Variants in GATAD2A observed in about 807,000 individuals in gnomAD.
GATAD2A encodes transcriptional repressor p66-alpha.
A neutral mutation model predicts 68.5 loss-of-function variants in GATAD2A; 12 were observed. The ratio of observed to expected loss-of-function variants is 0.18; its 90% CI spans 0.11 to 0.28. The LOEUF (loss-of-function observed/expected upper bound fraction) is 0.28. GATAD2A is among the 10% of genes least tolerant of loss of function. The probability of loss-of-function intolerance (pLI) is 1.00; values close to 1 mark genes in which losing one functional copy is unlikely to be tolerated. For missense variants in GATAD2A, 755 were observed against 868.5 expected, an observed-to-expected ratio of 0.87 and a Z score of 1.64; for synonymous variants, 410 against 375.3, an observed-to-expected ratio of 1.09 and a Z score of -1.07.
chr19:19,437,401 C>T (rs2054489148), intron 1 of GATAD2A, among the ~76,000 whole-genome samples: 1 of 152,160 alleles, frequency 6.6e-6, no homozygotes, highest in African/African-American at 2.4e-5. Flanking sequence ...AAGTGTTGGG[C>T]ATACAGGCAA....
At chr19:19,408,951 G>T (rs2050607871) in intron 1 of GATAD2A, among the ~76,000 whole-genome samples, 1 of 151,078 alleles carries the variant, frequency 6.6e-6, no homozygotes, top group Admixed American at 6.6e-5. Flanking sequence ...CTTAGCAGAT[G>T]ACTAAAGGAT....
In GATAD2A at chr19:19,386,706, C is replaced by T. The variant is rs80295578; in HGVS notation, c.-7+568C>T. 6.3e-3 allele frequency among the ~76,000 whole-genome samples: 951 copies of T among 152,154 alleles called. 11 individuals carry two copies. The highest frequency in any genetic ancestry group is 0.021 in the African/African-American group (874 of 41,538). ...GGGGAGCCCTGTCTCTCTAGGCGACCCTGCTTCTCTGAGGGGACAACCCCT... is the reference window on the plus strand; with the variant it reads ...GGGGAGCCCTGTCTCTCTAGGCGACTCTGCTTCTCTGAGGGGACAACCCCT... On this transcript the variant is annotated intron_variant, in intron 1 of 11. Transcript: ENST00000360315.
At chr19:19,463,127 C>G (rs1217275109) in intron 1 of GATAD2A, among the ~76,000 whole-genome samples, 1 of 152,178 alleles carries the variant, frequency 6.6e-6, no homozygotes, top group Non-Finnish European at 1.5e-5. Flanking sequence ...CTGGCCTCCC[C>G]TCATCTCTCA....
In GATAD2A at chr19:19,502,030, G is replaced by C; in HGVS notation, c.1565G>C (p.Gly522Ala). The change falls in exon 10 of 12, where the codon GGG becomes GCG. Residue 522 changes from glycine to alanine, a missense_variant. Transcript: ENST00000683918. ...RSGEARDWSNGAVLQASSQLS... is the reference protein window; with the variant it reads ...RSGEARDWSNAAVLQASSQLS... ...GGAGAGGCCCGCGACTGGAGTAACG[G>C]GGCTGTGCTACAGGTCAGAACCGCA... The C allele has an allele frequency of 6.2e-7, 1 of 1,613,544 alleles. No individual in the cohort carries two copies. The highest frequency in any genetic ancestry group is 8.5e-7 in the Non-Finnish European group (1 of 1,179,662).
At chr19:19,436,329 A>G (rs543830558) in intron 1 of GATAD2A, 111 of 528,888 alleles carry the variant, frequency 2.1e-4, no homozygotes, top group African/African-American at 2.1e-3. Flanking sequence ...CACCTCCTAG[A>G]GAAGATGGAG....
rs1308223255 is a variant in GATAD2A, at chr19:19,508,182, G to C, written c.*2708G>C. 6.6e-6 allele frequency: 1 copy of C among 152,238 alleles called. No homozygotes were observed. Among genetic ancestry groups the C allele is most frequent in the African/African-American group, 2.4e-5 (1 of 41,444 alleles). 9.4% of individuals were successfully genotyped at this position (152,238 alleles called of 1,614,324 possible). On this transcript the variant is annotated 3_prime_UTR_variant, in exon 12 of 12. Coordinates refer to ENST00000683918, the MANE Select transcript of GATAD2A (RefSeq NM_001384528.1). ...ACAGCACCTGGAAACGGTTCCCTCT[G>C]TCAGCTGCTCTGTAGACAGGGCTGG...
In GATAD2A at chr19:19,496,035, C is replaced by T. The variant is rs768213461; in HGVS notation, c.757-17C>T. ...ATCTCAGTCAGATTTCTTGTTCTCC[C>T]CACCCTACCCCAACAGCAAATCCAC... On this transcript the variant is annotated splice_polypyrimidine_tract_variant and intron_variant, in intron 6 of 11. Coordinates refer to ENST00000683918, the MANE Select transcript of GATAD2A (RefSeq NM_001384528.1). 1 of 1,611,172 alleles carries T rather than the reference C, an allele frequency of 6.2e-7. No individual in the cohort carries two copies. Among genetic ancestry groups the T allele is most frequent in the Non-Finnish European group, 8.5e-7 (1 of 1,177,698 alleles).
At chr19:19,450,539 C>G (rs533065520) in intron 1 of GATAD2A, among the ~76,000 whole-genome samples, 31 of 151,990 alleles carry the variant, frequency 2.0e-4, no homozygotes, top group African/African-American at 7.5e-4. Context: ...TGTTCTGTGC[C>G]TTTTGACAGC....
intron 1 of GATAD2A, among the ~76,000 whole-genome samples, chr19:19,448,794 T>C (rs1015847531): frequency 6.6e-6 from 1 of 152,188 alleles, no homozygotes; most frequent in Non-Finnish European, 1.5e-5. Context: ...AAGACACTTA[T>C]TTGCTACCTG....
exon 1 of GATAD2A, chr19:19,385,861 G>A (rs2048377684): frequency 6.6e-6 from 1 of 151,820 alleles, no homozygotes; most frequent in African/African-American, 2.4e-5. Context: ...ACTGAGCCGC[G>A]AGACTGAGCT....
intron 7 of GATAD2A, among the ~76,000 whole-genome samples, 153 bp downstream of exon 7, chr19:19,496,372 A>G (rs902060935): frequency 1.3e-5 from 2 of 151,886 alleles, no homozygotes; most frequent in Non-Finnish European, 1.5e-5. Context: ...CTTGGACTTG[A>G]GCTCCTGGGG....
intron 2 of GATAD2A, among the ~76,000 whole-genome samples, chr19:19,486,708 G>A (rs923548198): frequency 2.0e-5 from 3 of 152,158 alleles, no homozygotes; most frequent in Non-Finnish European, 4.4e-5. Flanking sequence ...CACTGTTCCC[G>A]AGGCCTGAGC....
chr19:19,492,331 C>A lies in GATAD2A; in HGVS notation c.295C>A (p.Pro99Thr). ...HSDMKSERRP[P>T]SPDVIVLSDN... The stretch of plus-strand genomic sequence containing the variant: ...TGACATGAAGTCCGAGAGGAGACCC[C>A]CCTCACCTGACGTGATTGTGCTCTC... Residue 99 changes from proline to threonine, a missense_variant, in exon 3 of 12, where the codon CCC becomes ACC. By Grantham distance (38) the Pro-to-Thr change is conservative. Coordinates refer to ENST00000683918, the MANE Select transcript of GATAD2A (RefSeq NM_001384528.1). 6.2e-7 allele frequency: 1 copy of A among 1,607,588 alleles called. No homozygotes were observed. The highest frequency in any genetic ancestry group is 1.1e-5 in the South Asian group (1 of 89,818).
At chr19:19,446,810 C>G (rs537347463) in intron 1 of GATAD2A, among the ~76,000 whole-genome samples, 1 of 152,182 alleles carries the variant, frequency 6.6e-6, no homozygotes. Flanking sequence ...CCTCCCTCCT[C>G]GGTCTTCCAA....
At chr19:19,457,202 T>G (rs947069969) in intron 1 of GATAD2A, 1 of 985,346 alleles carries the variant, frequency 1.0e-6, no homozygotes. Context: ...CAAGGTGTTG[T>G]ACCTGCTGTC....
At chr19:19,419,526 T>C (rs1338533161) in intron 1 of GATAD2A, among the ~76,000 whole-genome samples, 1 of 150,480 alleles carries the variant, frequency 6.6e-6, no homozygotes. Flanking sequence ...TTTTTTTTTT[T>C]TTTTTTTTAA....
chr19:19,475,004 A>G (rs1039032197), intron 2 of GATAD2A, among the ~76,000 whole-genome samples: 2 of 152,248 alleles, frequency 1.3e-5, no homozygotes, highest in African/African-American at 2.4e-5. Flanking sequence ...AGTCAGTCAC[A>G]TAGCGGATGC....
At chr19:19,395,514 C>T (rs2049163824) in intron 1 of GATAD2A, among the ~76,000 whole-genome samples, 1 of 152,056 alleles carries the variant, frequency 6.6e-6, no homozygotes, top group Non-Finnish European at 1.5e-5. Flanking sequence ...GCCGCTTTGT[C>T]AGAGCTGGAA....
At chr19:19,489,624 T>C (rs1568330486) in intron 2 of GATAD2A, among the ~76,000 whole-genome samples, 1 of 152,238 alleles carries the variant, frequency 6.6e-6, no homozygotes, top group Non-Finnish European at 1.5e-5. Flanking sequence ...CAGCTTCAGC[T>C]GCTAGGTGGT....
Sources: allele counts gnomAD v4.1 joint callset (sites outside exome capture counted in the v4.1 genomes callset), GRCh38; gene constraint gnomAD v4.1.1; transcripts MANE v1.5; gene names NCBI Gene and HGNC (gene_info 2026-07-23, HGNC 2026-07-21).